Variants in SLCO1C1 observed in about 807,000 individuals in gnomAD.
The protein encoded by SLCO1C1 is solute carrier organic anion transporter family member 1C1.
SLCO1C1 carries 70 observed loss-of-function variants against 76.4 expected under a neutral mutation model. The ratio of observed to expected loss-of-function variants is 0.92; its 90% confidence interval spans 0.76 to 1.12. The LOEUF (loss-of-function observed/expected upper bound fraction) is 1.12. Ranked by LOEUF, SLCO1C1 falls within the 50% of genes most tolerant of loss-of-function variation. The pLI, the probability that SLCO1C1 is intolerant of heterozygous loss-of-function variation, is 0.00. For missense variants in SLCO1C1, 912 were observed against 823.8 expected, an observed-to-expected ratio of 1.11 and a Z score of -1.31; for synonymous variants, 306 against 286.1, an observed-to-expected ratio of 1.07 and a Z score of -0.70.
At chr12:20,724,931 C>T (rs1947888236) in intron 9 of SLCO1C1, among the ~76,000 whole-genome samples, 2 of 142,242 alleles carry the variant, frequency 1.4e-5, no homozygotes, top group South Asian at 4.3e-4. Flanking sequence ...CATTATAAAT[C>T]ATTATGTATT....
intron 5 of SLCO1C1, among the ~76,000 whole-genome samples, chr12:20,711,992 G>T (rs975867629): frequency 2.0e-5 from 3 of 152,062 alleles, no homozygotes; most frequent in Non-Finnish European, 4.4e-5. Flanking sequence ...GAGTAAAATG[G>T]GCAGCTATGG....
chr12:20,732,425 T>G (rs145257373), intron 9 of SLCO1C1, among the ~76,000 whole-genome samples: 2 of 152,256 alleles, frequency 1.3e-5, no homozygotes, highest in African/African-American at 4.8e-5. Context: ...CAAGTAAATA[T>G]AGGTGGTGAT....
At position 20,741,852 on chromosome 12, in the gene SLCO1C1, G is replaced by C. The variant is rs145314689; in HGVS notation, c.1734-1453G>C. On this transcript the variant is annotated intron_variant, in intron 12 of 14. Coordinates refer to ENST00000266509, the MANE Select transcript of SLCO1C1 (RefSeq NM_017435.5). Reference sequence around the variant, plus strand: ...TTGATAAAATTATTAAACATGAAAAGTCAACATTTACTAGAAATCAGTATT... The same window carrying C: ...TTGATAAAATTATTAAACATGAAAACTCAACATTTACTAGAAATCAGTATT... 6.6e-5 allele frequency among the ~76,000 whole-genome samples: 10 copies of C among 152,184 alleles called. No homozygotes were observed. In the East Asian group the frequency reaches 1.9e-3, roughly 29 times the overall value.
Position 20,715,259 on chromosome 12 carries a change from G to A in SLCO1C1, c.650G>A (p.Ser217Asn). The A allele has an allele frequency of 1.2e-6, 2 of 1,614,040 alleles. No individual in the cohort carries two copies. Among genetic ancestry groups the A allele is most frequent in the Non-Finnish European group, 1.7e-6 (2 of 1,179,924 alleles). Residue 217 changes from serine (S) to asparagine (N), a missense_variant, in exon 6 of 15, where the codon AGT (serine) becomes AAT (asparagine). Physicochemically the swap from Ser to Asn is conservative, Grantham distance 46. Coordinates refer to ENST00000266509, the MANE Select transcript of SLCO1C1 (RefSeq NM_017435.5). ...LGIAYLDDFA[S>N]EDNAAFYIGC... Reference sequence around the variant, plus strand: ...ATTGCCTACCTGGATGATTTTGCCAGTGAAGACAATGCAGCTTTCTATATT... The same window carrying A: ...ATTGCCTACCTGGATGATTTTGCCAATGAAGACAATGCAGCTTTCTATATT...
intron 1 of SLCO1C1, chr12:20,697,327 A>C (rs1450088927): frequency 6.6e-6 from 1 of 152,104 alleles, no homozygotes; most frequent in Non-Finnish European, 1.5e-5. Context: ...ATTGCAATTT[A>C]AGCCAGAAAT....
chr12:20,743,542 C>T (rs957383717), intron 13 of SLCO1C1, among the ~76,000 whole-genome samples, 173 bp downstream of exon 13: 4 of 152,146 alleles, frequency 2.6e-5, no homozygotes, highest in Admixed American at 6.5e-5. Flanking sequence ...TTTCTTGACT[C>T]CTTTCTTCGT....
chr12:20,707,962 T>C (rs1424566940), intron 4 of SLCO1C1, among the ~76,000 whole-genome samples: 1 of 152,194 alleles, frequency 6.6e-6, no homozygotes, highest in African/African-American at 2.4e-5. Flanking sequence ...TTATTTAATA[T>C]ATTTGCCAGG....
At chr12:20,732,866 T>C in intron 9 of SLCO1C1, 43 bp from the exon 10 acceptor site, 1 of 1,603,714 alleles carries the variant, frequency 6.2e-7, no homozygotes, top group Non-Finnish European at 8.5e-7. Context: ...ACTCAAATCT[T>C]TTTTAGAGAT....
intron 9 of SLCO1C1, among the ~76,000 whole-genome samples, chr12:20,730,701 G>T (rs1239762633): frequency 3.3e-5 from 5 of 152,040 alleles, no homozygotes; most frequent in Admixed American, 1.3e-4. Flanking sequence ...CTTTAAGGTG[G>T]GCTGAGTTCT....
At position 20,732,889 on chromosome 12, in the gene SLCO1C1, A is replaced by G; in HGVS notation, c.1187-20A>G. 1.9e-6 allele frequency: 3 copies of G among 1,611,940 alleles called. No homozygotes were observed. The highest frequency in any genetic ancestry group is 2.5e-6 in the Non-Finnish European group (3 of 1,179,128). ...CTTTTTTAGAGATTCACAAAATGAT[A>G]TATTTTTCTTGTTTCTCAGGGCTCA... is the stretch of plus-strand genomic sequence containing the variant. On this transcript the variant is annotated intron_variant, in intron 9 of 14. Coordinates refer to ENST00000266509, the MANE Select transcript of SLCO1C1 (RefSeq NM_017435.5).
At chr12:20,700,664 T>C (rs1946480178) in intron 2 of SLCO1C1, among the ~76,000 whole-genome samples, 1 of 151,886 alleles carries the variant, frequency 6.6e-6, no homozygotes, top group African/African-American at 2.4e-5. Context: ...TCTTTCTTTA[T>C]ACAAATATTC....
intron 6 of SLCO1C1, 111 bp downstream of exon 6, chr12:20,715,396 A>G: frequency 8.2e-7 from 1 of 1,219,540 alleles, no homozygotes; most frequent in Non-Finnish European, 1.1e-6. Flanking sequence ...TTCATATCCA[A>G]CTCCTTTATT....
intron 4 of SLCO1C1, among the ~76,000 whole-genome samples, chr12:20,708,168 G>C (rs973410296): frequency 1.4e-4 from 22 of 152,060 alleles, no homozygotes; most frequent in African/African-American, 5.3e-4. Flanking sequence ...ACTATGCTCT[G>C]TCTCCTTTGC....
At chr12:20,750,868 GT>G (rs1592349247) in intron 14 of SLCO1C1, 76 bp downstream of exon 14, 2 of 1,613,724 alleles carry the variant, frequency 1.2e-6, no homozygotes, top group Non-Finnish European at 1.7e-6. Flanking sequence ...ACACTAACAA[GT>G]TTTCATGTCA....
At chr12:20,701,225 G>T in intron 2 of SLCO1C1, 93 bp from the exon 3 acceptor site, 1 of 1,228,666 alleles carries the variant, frequency 8.1e-7, no homozygotes, top group Non-Finnish European at 1.1e-6. Context: ...ATTGTTCTTT[G>T]TTGTTTGTTT....
chr12:20,706,498 A>G (rs997785398), intron 4 of SLCO1C1, among the ~76,000 whole-genome samples: 4 of 152,140 alleles, frequency 2.6e-5, no homozygotes, highest in African/African-American at 9.7e-5. Flanking sequence ...AACTCAAACA[A>G]GTATTCAATG....
chr12:20,708,645 CAA>C (rs1946907084), intron 4 of SLCO1C1, among the ~76,000 whole-genome samples: 2 of 152,060 alleles, frequency 1.3e-5, no homozygotes, highest in African/African-American at 4.8e-5. Flanking sequence ...ACAGTGAAGG[CAA>C]AGTTTCTTCA....
At chr12:20,750,972 T>G in intron 14 of SLCO1C1, 180 bp downstream of exon 14, 1 of 1,243,524 alleles carries the variant, frequency 8.0e-7, no homozygotes, top group Admixed American at 2.3e-5. Flanking sequence ...GATCTTTGAT[T>G]TTGTCCCTAT....
At chr12:20,719,979 A>C (rs1947577208) in intron 7 of SLCO1C1, among the ~76,000 whole-genome samples, 1 of 152,004 alleles carries the variant, frequency 6.6e-6, no homozygotes. Context: ...CCTGACTTTA[A>C]AGCTTCAAAG....
Sources: gnomAD v4.1 joint callset for allele counts (sites outside exome capture counted in the v4.1 genomes callset) on GRCh38, gnomAD v4.1.1 for gene constraint, MANE v1.5 for transcripts, NCBI Gene and HGNC (gene_info 2026-07-23, HGNC 2026-07-21) for gene names.